The following IQCK variants were observed in gnomAD, a reference collection of about 807,000 sequenced individuals.
IQCK encodes the protein IQ motif containing K.
In IQCK, 29 loss-of-function variants were observed where a neutral mutation model predicts 28.1. The ratio of observed to expected loss-of-function variants is 1.03; its 90% CI spans 0.77 to 1.41. IQCK has a LOEUF of 1.41. IQCK is among the 40% of genes most tolerant of loss of function. The pLI, the probability that IQCK is intolerant of heterozygous loss-of-function variation, is 0.00. For synonymous variants in IQCK, 113 were observed against 115.1 expected (o/e 0.98, Z 0.12); for missense variants, 359 against 314.7 (o/e 1.14, Z -1.07).
intron 1 of IQCK, among the ~76,000 whole-genome samples, chr16:19,728,537 A>T (rs1377576162): frequency 1.3e-5 from 2 of 152,158 alleles, no homozygotes; most frequent in African/African-American, 4.8e-5. Context: ...GATCTTAGCC[A>T]CCATGACTGG....
intron 6 of IQCK, among the ~76,000 whole-genome samples, chr16:19,771,944 G>T (rs1245450563): frequency 6.6e-6 from 1 of 152,182 alleles, no homozygotes; most frequent in African/African-American, 2.4e-5. Flanking sequence ...GGGATAAATA[G>T]GGATGGCCCA....
intron 9 of IQCK, among the ~76,000 whole-genome samples, chr16:19,838,680 G>A (rs2056326905): frequency 1.3e-5 from 2 of 152,118 alleles, no homozygotes; most frequent in Non-Finnish European, 2.9e-5. Context: ...CAGGCACTTT[G>A]CATATATTAT....
intron 7 of IQCK, among the ~76,000 whole-genome samples, chr16:19,821,532 T>C (rs919952400): frequency 1.3e-5 from 2 of 152,110 alleles, no homozygotes; most frequent in Non-Finnish European, 2.9e-5. Flanking sequence ...AAACCCCGTG[T>C]CTACTAAAAA....
chr16:19,856,609 C>T, exon 10 of IQCK: 1 of 1,286,810 alleles, frequency 7.8e-7, no homozygotes, highest in Non-Finnish European at 1.1e-6. Context: ...AGGAAAATGT[C>T]CAAATGATGC....
chr16:19,767,841 C>T (rs1193734588), intron 6 of IQCK, among the ~76,000 whole-genome samples: 4 of 151,932 alleles, frequency 2.6e-5, no homozygotes, highest in African/African-American at 9.7e-5. Context: ...AGTGGTACCA[C>T]TGCACGCCAG....
intron 9 of IQCK, among the ~76,000 whole-genome samples, chr16:19,850,930 G>A (rs2056473795): frequency 6.6e-6 from 1 of 152,184 alleles, no homozygotes; most frequent in Non-Finnish European, 1.5e-5. Flanking sequence ...GGCTGAAGTG[G>A]AAGGACCATT....
chr16:19,803,245 C>G (rs935078288), intron 7 of IQCK, among the ~76,000 whole-genome samples: 1 of 152,160 alleles, frequency 6.6e-6, no homozygotes, highest in Non-Finnish European at 1.5e-5. Flanking sequence ...CAGGTTCAAG[C>G]AATTCTCCTG....
intron 4 of IQCK, among the ~76,000 whole-genome samples, chr16:19,756,876 A>G (rs1296507155): frequency 2.0e-5 from 3 of 149,860 alleles, no homozygotes; most frequent in African/African-American, 7.5e-5. Context: ...CAGCCTGGAC[A>G]ACAGAGCAAG....
chr16:19,785,517 A>G (rs2055550221), intron 6 of IQCK, among the ~76,000 whole-genome samples: 2 of 152,262 alleles, frequency 1.3e-5, no homozygotes, highest in South Asian at 4.1e-4. Context: ...CAAAAGGACC[A>G]GAGGCTACTC....
rs952866820 is a variant in IQCK, at chr16:19,728,151, T to A, written c.182-2279T>A. On this transcript the variant is annotated intron_variant, in intron 1 of 7. Transcript: ENST00000564186. ...CAGCAATCAAGTTGTGCATTACCCA[T>A]GGCGAGAACCTGAGAGTGCCTTCTA... Among the ~76,000 whole-genome samples, 8 of 152,126 alleles carry A rather than the reference T, an allele frequency of 5.3e-5. No individual in the cohort carries two copies. In the East Asian group the frequency reaches 1.6e-3, roughly 29 times the overall value.
intron 6 of IQCK, among the ~76,000 whole-genome samples, chr16:19,768,964 A>T (rs1055402161): frequency 6.6e-6 from 1 of 152,128 alleles, no homozygotes; most frequent in Non-Finnish European, 1.5e-5. Context: ...GTTGTAGTTA[A>T]GATGTCACAG....
chr16:19,725,629 A>G (rs1977631738), intron 1 of IQCK, among the ~76,000 whole-genome samples: 1 of 152,220 alleles, frequency 6.6e-6, no homozygotes, highest in Non-Finnish European at 1.5e-5. Flanking sequence ...AGAGTCCAGT[A>G]CTCTACAAAC....
intron 1 of IQCK, 109 bp downstream of exon 1, chr16:19,718,596 GC>G: frequency 9.6e-7 from 1 of 1,038,018 alleles, no homozygotes; most frequent in Non-Finnish European, 1.3e-6. Flanking sequence ...GGGCCGCCGG[GC>G]AGCGGCTCCG....
chr16:19,805,181 G>A (rs977443482), intron 7 of IQCK, among the ~76,000 whole-genome samples: 1 of 152,120 alleles, frequency 6.6e-6, no homozygotes, highest in African/African-American at 2.4e-5. Flanking sequence ...GGGGTTGGTT[G>A]TCGTTTCTGG....
At chr16:19,718,575 G>A in intron 1 of IQCK, 88 bp downstream of exon 1, 1 of 1,250,004 alleles carries the variant, frequency 8.0e-7, no homozygotes, top group Non-Finnish European at 1.0e-6. Flanking sequence ...GCGCCTGTCG[G>A]CTGACGGGCG....
intron 4 of IQCK, among the ~76,000 whole-genome samples, chr16:19,755,711 G>C (rs1051295390): frequency 1.3e-5 from 2 of 152,244 alleles, no homozygotes; most frequent in South Asian, 4.1e-4. Flanking sequence ...CAGCCAGAGA[G>C]ATTCTCATTT....
At position 19,836,702 on chromosome 16, in the gene IQCK, T is replaced by C. The variant is rs541684322; in HGVS notation, c.802+9565T>C. 2.6e-4 allele frequency among the ~76,000 whole-genome samples: 39 copies of C among 152,262 alleles called. No individual in the cohort carries two copies. In the South Asian group the frequency reaches 5.0e-3, roughly 19 times the overall value. ...CTAATTTTTGTATTTTTAGTAGAGA[T>C]GGGGTTTCACCATGTTGGCCAGGAT... On this transcript the variant is annotated intron_variant, in intron 9 of 9. Transcript: ENST00000320394.
chr16:19,773,223 G>A (rs2055341856), intron 6 of IQCK, among the ~76,000 whole-genome samples: 1 of 152,064 alleles, frequency 6.6e-6, no homozygotes, highest in Non-Finnish European at 1.5e-5. Flanking sequence ...ATGGCATTGA[G>A]GGAAAATGGC....
chr16:19,820,320 C>T (rs1481338619), intron 7 of IQCK, among the ~76,000 whole-genome samples: 1 of 152,068 alleles, frequency 6.6e-6, no homozygotes, highest in Non-Finnish European at 1.5e-5. Context: ...AGTTCGAGAC[C>T]AGCCTGGCCA....
Sources: gnomAD v4.1 joint callset for allele counts (sites outside exome capture counted in the v4.1 genomes callset) on GRCh38, gnomAD v4.1.1 for gene constraint, MANE v1.5 for transcripts, NCBI Gene and HGNC (gene_info 2026-07-23, HGNC 2026-07-21) for gene names.